Variants in PPM1E observed in about 807,000 individuals in gnomAD.
PPM1E encodes the protein protein phosphatase 1E.
A neutral mutation model predicts 65.9 loss-of-function variants in PPM1E; 20 were observed. The observed-to-expected ratio is 0.30, with a 90% CI of 0.21 to 0.44. PPM1E has a LOEUF of 0.44. Ranked by LOEUF, PPM1E falls within the 20% of genes least tolerant of loss-of-function variation. The pLI is 1.00. For missense variants in PPM1E, 713 were observed against 953.1 expected (o/e 0.75, Z 3.32); for synonymous variants, 352 against 374.9 (o/e 0.94, Z 0.70).
At chr17:58,933,231 T>C (rs1316129287) in intron 1 of PPM1E, among the ~76,000 whole-genome samples, 1 of 152,208 alleles carries the variant, frequency 6.6e-6, no homozygotes, top group East Asian at 1.9e-4. Context: ...GTATAATTAG[T>C]CTGCTGTTCA....
intron 1 of PPM1E, among the ~76,000 whole-genome samples, chr17:58,841,745 T>A (rs1305502191): frequency 6.6e-6 from 1 of 151,714 alleles, no homozygotes; most frequent in Non-Finnish European, 1.5e-5. Flanking sequence ...TCTTACTCTG[T>A]TGCCCAGGCT....
At chr17:58,823,359 AT>A (rs1204391533) in intron 1 of PPM1E, among the ~76,000 whole-genome samples, 1 of 152,208 alleles carries the variant, frequency 6.6e-6, no homozygotes, top group East Asian at 1.9e-4. Flanking sequence ...CTTACTTGAA[AT>A]TCTAGGCACA....
chr17:58,953,711 T>C (rs542303088), intron 1 of PPM1E, among the ~76,000 whole-genome samples: 6 of 152,124 alleles, frequency 3.9e-5, no homozygotes, highest in African/African-American at 1.4e-4. Context: ...GGTAACCATT[T>C]GACACGTTGA....
intron 1 of PPM1E, among the ~76,000 whole-genome samples, chr17:58,892,485 A>G (rs1296088151): frequency 6.6e-6 from 1 of 152,154 alleles, no homozygotes; most frequent in Non-Finnish European, 1.5e-5. Flanking sequence ...AGGCAACAGG[A>G]TTGCCTGAGC....
chr17:58,847,707 T>G (rs1477574959), intron 1 of PPM1E, among the ~76,000 whole-genome samples: 1 of 152,242 alleles, frequency 6.6e-6, no homozygotes, highest in South Asian at 2.1e-4. Flanking sequence ...GGTAGCATGA[T>G]GCCTCCAGCT....
At chr17:58,877,202 C>T (rs761333285) in intron 1 of PPM1E, among the ~76,000 whole-genome samples, 1 of 152,166 alleles carries the variant, frequency 6.6e-6, no homozygotes, top group Non-Finnish European at 1.5e-5. Context: ...CAATATAATA[C>T]AACTATTTGC....
At position 58,912,033 on chromosome 17, in the gene PPM1E, T is replaced by C. The variant is rs575428719; in HGVS notation, c.465-43616T>C. On this transcript the variant is annotated intron_variant, in intron 1 of 6. Coordinates refer to ENST00000308249, the MANE Select transcript of PPM1E (RefSeq NM_014906.5). ...CCCTAACGCAGTCCCTATCCCTGTG[T>C]CCTTCCCCTATTGGCTAGGGTTGAA... Among the ~76,000 whole-genome samples the C allele has an allele frequency of 1.1e-4, 16 of 152,298 alleles. No homozygotes were observed. The South Asian group carries it at 3.1e-3, about 30-fold the overall frequency.
intron 4 of PPM1E, among the ~76,000 whole-genome samples, chr17:58,971,189 A>C (rs1248352725): frequency 6.6e-6 from 1 of 152,188 alleles, no homozygotes; most frequent in East Asian, 1.9e-4. Flanking sequence ...ATATGCACTG[A>C]AGTGTGTTTA....
At chr17:58,958,595 A>G (rs1184366773) in intron 2 of PPM1E, among the ~76,000 whole-genome samples, 1 of 152,074 alleles carries the variant, frequency 6.6e-6, no homozygotes, top group Non-Finnish European at 1.5e-5. Flanking sequence ...TTGTAAATAA[A>G]TTTGAAAACC....
At chr17:58,974,941 A>G (rs1186595615) in intron 6 of PPM1E, among the ~76,000 whole-genome samples, 1 of 152,178 alleles carries the variant, frequency 6.6e-6, no homozygotes, top group African/African-American at 2.4e-5. Context: ...ACTGGAGGGA[A>G]TTATTAGGAA....
chr17:58,795,052 C>T (rs1015393856), intron 1 of PPM1E, among the ~76,000 whole-genome samples: 3 of 151,944 alleles, frequency 2.0e-5, no homozygotes, highest in African/African-American at 7.2e-5. Context: ...CCATGCCCAG[C>T]TAATTTTCTT....
chr17:58,801,611 T>C (rs2143054139), intron 1 of PPM1E, among the ~76,000 whole-genome samples: 1 of 151,578 alleles, frequency 6.6e-6, no homozygotes, highest in South Asian at 2.1e-4. Flanking sequence ...CTGGATAATT[T>C]TTTCTATTTT....
intron 1 of PPM1E, among the ~76,000 whole-genome samples, chr17:58,887,418 C>T (rs139889047): frequency 0.011 from 1,693 of 152,210 alleles, 18 homozygotes; most frequent in Non-Finnish European, 0.019. Flanking sequence ...CTGCCCGTCT[C>T]GGCCTCCCAA....
intron 1 of PPM1E, among the ~76,000 whole-genome samples, chr17:58,881,276 C>G (rs555037945): frequency 6.6e-6 from 1 of 152,190 alleles, no homozygotes; most frequent in Non-Finnish European, 1.5e-5. Flanking sequence ...TCCCTGTAAT[C>G]GCAGCACTTT....
intron 1 of PPM1E, among the ~76,000 whole-genome samples, chr17:58,867,049 C>T (rs1015389654): frequency 6.6e-6 from 1 of 152,112 alleles, no homozygotes; most frequent in African/African-American, 2.4e-5. Context: ...GGTATGATCT[C>T]GGCTCACTGC....
Position 58,927,844 on chromosome 17 carries a change from A to G in PPM1E, c.465-27805A>G, listed in dbSNP as rs555666591. On this transcript the variant is annotated intron_variant, in intron 1 of 6. Coordinates refer to ENST00000308249, the MANE Select transcript of PPM1E (RefSeq NM_014906.5). ...GAGGCTGAGGCAGGCGGATCATCTG[A>G]GGTCAGGAGTTCGAGACCAGCCTGG... Among the ~76,000 whole-genome samples, 70 of 152,152 alleles carry G rather than the reference A, an allele frequency of 4.6e-4. 1 individual carries two copies. Among genetic ancestry groups the G allele is most frequent in the African/African-American group, 1.7e-3 (69 of 41,500 alleles).
chr17:58,977,857 C>T (rs1296769679), intron 6 of PPM1E, among the ~76,000 whole-genome samples: 5 of 152,216 alleles, frequency 3.3e-5, no homozygotes, highest in African/African-American at 1.2e-4. Context: ...ATTCTCCTGC[C>T]TCAGCCTCTT....
intron 1 of PPM1E, among the ~76,000 whole-genome samples, chr17:58,762,562 C>G (rs759379862): frequency 3.5e-4 from 53 of 152,072 alleles, no homozygotes; most frequent in Non-Finnish European, 6.5e-4. Context: ...TTCTCTCACG[C>G]TTACTACATA....
chr17:58,809,050 A>G (rs1245224215), intron 1 of PPM1E, among the ~76,000 whole-genome samples: 1 of 152,116 alleles, frequency 6.6e-6, no homozygotes, highest in Non-Finnish European at 1.5e-5. Context: ...TTCTTCTTAA[A>G]TTGAAGTATA....
Sources: gnomAD v4.1 joint callset for allele counts (sites outside exome capture counted in the v4.1 genomes callset) on GRCh38, gnomAD v4.1.1 for gene constraint, MANE v1.5 for transcripts, NCBI Gene and HGNC (gene_info 2026-07-23, HGNC 2026-07-21) for gene names.